SPECC1: variants seen among roughly 807,000 people sequenced by gnomAD.
SPECC1 encodes the protein sperm antigen with calponin homology and coiled-coil domains 1, also known as cytospin-B.
A neutral mutation model predicts 104.1 loss-of-function variants in SPECC1; 62 were observed. The ratio of observed to expected loss-of-function variants is 0.60; its 90% CI spans 0.49 to 0.74. SPECC1 has a LOEUF of 0.74. Ranked by LOEUF, SPECC1 falls within the 30% of genes least tolerant of loss-of-function variation. SPECC1 has a pLI of 0.00. For synonymous variants in SPECC1, 513 were observed against 501.6 expected (o/e 1.02, Z -0.30); for missense variants, 1,306 against 1,310.5 (o/e 1.00, Z 0.05).
intron 3 of SPECC1, among the ~76,000 whole-genome samples, chr17:20,201,027 A>G (rs958284505): frequency 2.6e-5 from 4 of 152,190 alleles, no homozygotes; most frequent in African/African-American, 9.7e-5. Flanking sequence ...GATAAGGCAG[A>G]AGTAACACTT....
At chr17:20,289,874 G>A (rs1257610296) in intron 12 of SPECC1, among the ~76,000 whole-genome samples, 1 of 152,160 alleles carries the variant, frequency 6.6e-6, no homozygotes, top group Non-Finnish European at 1.5e-5. Flanking sequence ...TAGTTGGGTG[G>A]CCTCTACCTC....
At chr17:20,115,385 A>G (rs1328897936) in intron 3 of SPECC1, among the ~76,000 whole-genome samples, 1 of 152,160 alleles carries the variant, frequency 6.6e-6, no homozygotes, top group African/African-American at 2.4e-5. Flanking sequence ...AGGCAGGAGA[A>G]TCACTTGAAC....
intron 4 of SPECC1, among the ~76,000 whole-genome samples, chr17:20,210,186 T>G (rs2037043301): frequency 6.6e-6 from 1 of 152,216 alleles, no homozygotes; most frequent in Non-Finnish European, 1.5e-5. Flanking sequence ...ATAGGATGCC[T>G]TAAAGGACTT....
At chr17:20,027,176 TAATC>T (rs144338960) in intron 1 of SPECC1, among the ~76,000 whole-genome samples, 4,642 of 152,302 alleles carry the variant, frequency 0.03, 91 homozygotes, top group Non-Finnish European at 0.048. Context: ...CACTAACAAG[TAATC>T]AAGACAGTGT....
intron 14 of SPECC1, among the ~76,000 whole-genome samples, chr17:20,312,433 A>C (rs1212459809): frequency 6.6e-6 from 1 of 152,124 alleles, no homozygotes; most frequent in African/African-American, 2.4e-5. Context: ...CTCAAAACTG[A>C]ATATTGATTG....
At chr17:20,016,531 G>T (rs2044134295) in intron 1 of SPECC1, among the ~76,000 whole-genome samples, 2 of 152,178 alleles carry the variant, frequency 1.3e-5, no homozygotes, top group Non-Finnish European at 2.9e-5. Context: ...TTCCCGGTGG[G>T]CGTGGGCTTG....
chr17:20,227,301 G>T, intron 4 of SPECC1, 112 bp from the exon 5 acceptor site: 1 of 846,586 alleles, frequency 1.2e-6, no homozygotes, highest in South Asian at 1.6e-5. Flanking sequence ...TTCATGTTCA[G>T]GTTTGTTACA....
intron 3 of SPECC1, among the ~76,000 whole-genome samples, chr17:20,119,422 G>C (rs140360385): frequency 3.3e-5 from 5 of 152,172 alleles, no homozygotes; most frequent in Non-Finnish European, 7.3e-5. Flanking sequence ...AGTTGAGATC[G>C]GGTTTCTCCA....
chr17:20,101,828 C>A (rs866426116), intron 2 of SPECC1, among the ~76,000 whole-genome samples: 1 of 152,186 alleles, frequency 6.6e-6, no homozygotes, highest in Non-Finnish European at 1.5e-5. Flanking sequence ...GTTTGAGAAG[C>A]GGTGTCCAAC....
chr17:20,305,978 A>G lies in SPECC1; in HGVS notation c.3058-45A>G, dbSNP rs374781231. ...GATATTCTTTCCTGGCAAAAGCTAT[A>G]TATTTTAAATTACTGATTCCAGTCT... On this transcript the variant is annotated intron_variant, in intron 13 of 14. Transcript: ENST00000395527. 114 of 1,550,448 alleles carry G rather than the reference A, an allele frequency of 7.4e-5. No homozygotes were observed. The African/African-American group carries it at 7.6e-4, about 10-fold the overall frequency.
In SPECC1 at chr17:20,204,611, C is replaced by T. The variant is rs774717125; in HGVS notation, c.562C>T (p.Arg188Ter). 5 of 1,614,142 alleles carry T rather than the reference C, an allele frequency of 3.1e-6. No homozygotes were observed. Among genetic ancestry groups the T allele is most frequent in the Non-Finnish European group, 4.2e-6 (5 of 1,180,040 alleles). The change falls in exon 4 of 15, where the codon CGA becomes TGA. Residue 188 changes from arginine (R) to a stop codon, truncating the protein, a stop_gained. Coordinates refer to ENST00000395527, the MANE Select transcript of SPECC1 (RefSeq NM_001243439.2). LOFTEE classifies it high-confidence loss of function. Reference protein sequence around the residue: ...KAKDSEINRLRSELKKYKEKR... With the variant: ...KAKDSEINRL ...AAAAGATAGTGAAATTAACAGGCTT[C>T]GAAGTGAACTAAAGAAATACAAAGA...
chr17:20,275,976 C>G (rs2040562336), intron 12 of SPECC1, among the ~76,000 whole-genome samples: 1 of 151,954 alleles, frequency 6.6e-6, no homozygotes, highest in Non-Finnish European at 1.5e-5. Flanking sequence ...TGGTTTTTAC[C>G]TTTTACTTCA....
intron 4 of SPECC1, among the ~76,000 whole-genome samples, chr17:20,220,765 G>A (rs2151429174): frequency 6.6e-6 from 1 of 152,190 alleles, no homozygotes; most frequent in East Asian, 1.9e-4. Context: ...CCAGATCTTA[G>A]AGGAAAAGCT....
intron 3 of SPECC1, among the ~76,000 whole-genome samples, chr17:20,191,138 A>T (rs1030415393): frequency 6.6e-6 from 1 of 152,186 alleles, no homozygotes; most frequent in African/African-American, 2.4e-5. Flanking sequence ...GGTGTACCAC[A>T]GTTGGTTGCT....
intron 12 of SPECC1, among the ~76,000 whole-genome samples, chr17:20,268,604 G>T (rs576030825): frequency 3.0e-4 from 46 of 152,192 alleles, no homozygotes; most frequent in Admixed American, 1.4e-3. Context: ...CTCAATAGCA[G>T]ATGCGCGGCA....
intron 3 of SPECC1, among the ~76,000 whole-genome samples, chr17:20,117,419 G>A (rs971450232): frequency 6.6e-6 from 1 of 151,988 alleles, no homozygotes; most frequent in Non-Finnish European, 1.5e-5. Flanking sequence ...AAACTTCTTT[G>A]CAAAAAGAAG....
rs541204156 is a variant in SPECC1 at position 20,318,357 on chromosome 17, T to G, written c.*4292T>G. The G allele has an allele frequency of 4.3e-6, 1 of 231,662 alleles. No individual in the cohort carries two copies. The highest frequency in any genetic ancestry group is 8.5e-6 in the Non-Finnish European group (1 of 117,058). 14.4% of individuals were successfully genotyped at this position (231,662 alleles called of 1,614,324 possible). ...TCCTAGCCCCTTCTCATTTCAAAAA[T>G]ATTAGTCTTTTATTTTCCTTTTTCA... On this transcript the variant is annotated 3_prime_UTR_variant, in exon 15 of 15. Transcript: ENST00000395527.
intron 1 of SPECC1, among the ~76,000 whole-genome samples, chr17:20,051,142 TTCTTTCC>T: frequency 6.7e-5 from 9 of 134,596 alleles, no homozygotes; most frequent in African/African-American, 2.8e-4. Flanking sequence ...CTTTCTTTCC[TTCTTTCC>T]TTCTTTCCTT....
At chr17:20,035,502 G>A (rs1278649143) in intron 1 of SPECC1, among the ~76,000 whole-genome samples, 1 of 151,910 alleles carries the variant, frequency 6.6e-6, no homozygotes, top group Non-Finnish European at 1.5e-5. Context: ...TGCACATTTT[G>A]TTAGATTTAT....
Sources: allele counts gnomAD v4.1 joint callset (sites outside exome capture counted in the v4.1 genomes callset), GRCh38; gene constraint gnomAD v4.1.1; transcripts MANE v1.5; gene names NCBI Gene and HGNC (gene_info 2026-07-23, HGNC 2026-07-21).